Variants in IRAK3 observed in about 807,000 individuals in gnomAD.
IRAK3 encodes interleukin 1 receptor associated kinase 3.
A neutral mutation model predicts 56.6 loss-of-function variants in IRAK3; 57 were observed. That is an observed-to-expected ratio of 1.01 (90% CI 0.81 to 1.26). The LOEUF is 1.26. Ranked by LOEUF, IRAK3 falls within the 50% of genes most tolerant of loss-of-function variation. The pLI is 0.00. For synonymous variants in IRAK3, 258 were observed against 255.7 expected, an observed-to-expected ratio of 1.01 and a Z score of -0.09; for missense variants, 703 against 719.0, an observed-to-expected ratio of 0.98 and a Z score of 0.25.
intron 1 of IRAK3, among the ~76,000 whole-genome samples, chr12:66,201,917 A>T (rs1455398283): frequency 6.6e-6 from 1 of 152,292 alleles, no homozygotes; most frequent in Middle Eastern, 3.4e-3. Context: ...GAAAAGAATT[A>T]ATCTAAGTAC....
At chr12:66,234,238 G>A (rs1041062989) in intron 8 of IRAK3, 5 of 1,613,640 alleles carry the variant, frequency 3.1e-6, no homozygotes, top group Admixed American at 1.7e-5. Flanking sequence ...TGTATGTTCC[G>A]GTGCTGCCTA....
In IRAK3 at chr12:66,228,320, C is replaced by G; in HGVS notation, c.837C>G (p.His279Gln). 8 of 1,614,132 alleles carry G rather than the reference C, an allele frequency of 5.0e-6. No individual in the cohort carries two copies. The highest frequency in any genetic ancestry group is 6.8e-6 in the Non-Finnish European group (8 of 1,179,976). The change falls in exon 8 of 12, where the codon CAC (histidine) becomes CAG (glutamine). Residue 279 changes from histidine to glutamine, a missense_variant. Physicochemically the swap from His to Gln is conservative, Grantham distance 24. Coordinates refer to ENST00000261233, the MANE Select transcript of IRAK3 (RefSeq NM_007199.3). ...TAATAGGAATATCCAAAGCCATTCA[C>G]TACCTGCACAACGTTCAACCATGCT... ...GILIGISKAI[H>Q]YLHNVQPCSV...
At chr12:66,225,921 C>A (rs907426689) in intron 6 of IRAK3, among the ~76,000 whole-genome samples, 1 of 152,140 alleles carries the variant, frequency 6.6e-6, no homozygotes, top group Admixed American at 6.5e-5. Context: ...TAGCACAGTA[C>A]CTGACATAGT....
chr12:66,225,568 T>C (rs1592593251), intron 6 of IRAK3, among the ~76,000 whole-genome samples: 1 of 152,244 alleles, frequency 6.6e-6, no homozygotes, highest in East Asian at 1.9e-4. Flanking sequence ...TATTTTAATA[T>C]CCCCAAGCCT....
chr12:66,245,275 A>C lies in IRAK3; in HGVS notation c.1314+13A>C. 6.2e-7 allele frequency: 1 copy of C among 1,613,798 alleles called. No individual in the cohort carries two copies. The highest frequency in any genetic ancestry group is 8.5e-7 in the Non-Finnish European group (1 of 1,179,720). On this transcript the variant is annotated intron_variant, in intron 11 of 11. Coordinates refer to ENST00000261233, the MANE Select transcript of IRAK3 (RefSeq NM_007199.3). ...ATCAATGGATGAAGTGAGTATATAC[A>C]TGGTTTTATTCAAAACTGAGCCCAC...
chr12:66,240,665 G>C (rs2052958838), intron 8 of IRAK3, among the ~76,000 whole-genome samples: 1 of 151,952 alleles, frequency 6.6e-6, no homozygotes, highest in Non-Finnish European at 1.5e-5. Context: ...CTGTCCCAGA[G>C]GGGCCGTTGG....
At chr12:66,222,930 G>A (rs1024836770) in intron 6 of IRAK3, among the ~76,000 whole-genome samples, 2 of 152,028 alleles carry the variant, frequency 1.3e-5, no homozygotes, top group African/African-American at 2.4e-5. Flanking sequence ...GGCTGAGTCC[G>A]AAAAGAGAGT....
intron 5 of IRAK3, among the ~76,000 whole-genome samples, chr12:66,212,375 TGCA>T (rs2052621389): frequency 6.6e-6 from 1 of 152,184 alleles, no homozygotes; most frequent in Non-Finnish European, 1.5e-5. Flanking sequence ...GTTGATTGAC[TGCA>T]GCCAATGAAG....
At chr12:66,213,545 A>G (rs1182597062) in intron 5 of IRAK3, among the ~76,000 whole-genome samples, 2 of 152,186 alleles carry the variant, frequency 1.3e-5, no homozygotes, top group Non-Finnish European at 2.9e-5. Flanking sequence ...AATGGTGGAT[A>G]CATATTATCA....
At chr12:66,207,604 A>G (rs988348177) in intron 2 of IRAK3, among the ~76,000 whole-genome samples, 1 of 152,066 alleles carries the variant, frequency 6.6e-6, no homozygotes, top group Admixed American at 6.5e-5. Context: ...CTTAATGTGA[A>G]AGTTTAGTTT....
At chr12:66,210,772 T>A (rs1592583398) in intron 4 of IRAK3, among the ~76,000 whole-genome samples, 1 of 152,210 alleles carries the variant, frequency 6.6e-6, no homozygotes, top group African/African-American at 2.4e-5. Flanking sequence ...GAAAGTTAGA[T>A]AAGGCTTTGG....
chr12:66,198,533 G>A (rs905622416), intron 1 of IRAK3, among the ~76,000 whole-genome samples: 5 of 152,008 alleles, frequency 3.3e-5, no homozygotes, highest in Admixed American at 3.3e-4. Flanking sequence ...TCCTTTCCTG[G>A]CTGTGGTAGT....
intron 11 of IRAK3, among the ~76,000 whole-genome samples, chr12:66,246,615 C>T (rs1304348914): frequency 1.3e-5 from 2 of 152,222 alleles, no homozygotes; most frequent in African/African-American, 4.8e-5. Flanking sequence ...CGGTGTCAAA[C>T]AGCAGGTCTG....
chr12:66,241,621 T>A (rs192431033), intron 8 of IRAK3, among the ~76,000 whole-genome samples: 311 of 152,364 alleles, frequency 2.0e-3, no homozygotes, highest in African/African-American at 6.6e-3. Context: ...CAGCTACCGC[T>A]AACCTTTATT....
intron 2 of IRAK3, among the ~76,000 whole-genome samples, chr12:66,206,197 T>A (rs2052556631): frequency 1.3e-5 from 2 of 152,182 alleles, no homozygotes; most frequent in African/African-American, 4.8e-5. Flanking sequence ...GATTTCACAT[T>A]TTTTTCTACA....
chr12:66,245,175 C>T lies in IRAK3; in HGVS notation c.1227C>T (p.Pro409=), dbSNP rs367771929. 48 of 1,614,204 alleles carry T rather than the reference C, an allele frequency of 3.0e-5. No individual in the cohort carries two copies. The highest frequency in any genetic ancestry group is 4.0e-5 in the Non-Finnish European group (47 of 1,180,022). ...CLSFLDKKVP[P]CPRNFSAKLF... is the part of the protein sequence containing the mutation. ...CATTTCTAGATAAGAAAGTGCCTCC[C>T]TGCCCTCGGAATTTCTCTGCCAAGC... Residue 409 remains proline, a synonymous_variant, in exon 11 of 12, where the codon CCC becomes CCT. Transcript: ENST00000261233.
intron 1 of IRAK3, among the ~76,000 whole-genome samples, chr12:66,190,124 G>A (rs1283479794): frequency 6.6e-6 from 1 of 152,144 alleles, no homozygotes; most frequent in Non-Finnish European, 1.5e-5. Flanking sequence ...GTTAAGTACA[G>A]GCATTTTTGG....
chr12:66,220,983 A>T (rs1198670670), intron 6 of IRAK3, among the ~76,000 whole-genome samples: 3 of 152,244 alleles, frequency 2.0e-5, no homozygotes, highest in African/African-American at 4.8e-5. Context: ...AACAATATTA[A>T]TTCTTTCAAT....
In IRAK3 at chr12:66,217,206, G is replaced by T; in HGVS notation, c.624G>T (p.Arg208Ser). The change falls in exon 6 of 12, where the codon AGG becomes AGT. Residue 208 changes from arginine (R) to serine (S), a missense_variant. By Grantham distance (110) the Arg-to-Ser change is moderately radical. Coordinates refer to ENST00000261233, the MANE Select transcript of IRAK3 (RefSeq NM_007199.3). The stretch of plus-strand genomic sequence containing the variant: ...TGCAGTGTAAGAAGCATTGGAAGAG[G>T]TTTTTATCTGAGCTTGAAGTTTTAC... The part of the protein sequence containing the change: ...KKMQCKKHWK[R>S]FLSELEVLLL... 2 of 1,611,848 alleles carry T rather than the reference G, an allele frequency of 1.2e-6. No homozygotes were observed. Among genetic ancestry groups the T allele is most frequent in the Non-Finnish European group, 1.7e-6 (2 of 1,178,056 alleles).
Sources: allele counts gnomAD v4.1 joint callset (sites outside exome capture counted in the v4.1 genomes callset), GRCh38; gene constraint gnomAD v4.1.1; transcripts MANE v1.5; gene names NCBI Gene and HGNC (gene_info 2026-07-23, HGNC 2026-07-21).